Variants in CRACD observed in about 807,000 individuals in gnomAD.
The protein encoded by CRACD is capping protein-inhibiting regulator of actin dynamics.
A neutral mutation model predicts 106.8 loss-of-function variants in CRACD; 56 were observed. The ratio of observed to expected loss-of-function variants is 0.52; its 90% CI spans 0.42 to 0.66. CRACD has a LOEUF of 0.66. Among genes scored for constraint, CRACD ranks in the 30% least tolerant of loss-of-function variants. CRACD has a pLI of 0.00. For synonymous variants in CRACD, 754 were observed against 670.8 expected (o/e 1.12, Z -1.92); for missense variants, 1,730 against 1,623.2 (o/e 1.07, Z -1.13).
At chr4:56,205,495 C>G (rs554201746) in intron 2 of CRACD, among the ~76,000 whole-genome samples, 2 of 151,604 alleles carry the variant, frequency 1.3e-5, no homozygotes, top group South Asian at 4.2e-4. Context: ...CTGTTCTAAG[C>G]AATTTTACAA....
At chr4:56,182,868 T>A (rs1323818360) in intron 2 of CRACD, among the ~76,000 whole-genome samples, 1 of 65,678 alleles carries the variant, frequency 1.5e-5, no homozygotes, top group African/African-American at 6.7e-5. Flanking sequence ...AAGATATGTG[T>A]GTGTGTGTGT....
chr4:56,057,970 T>C (rs758668539), intron 1 of CRACD, among the ~76,000 whole-genome samples: 2 of 69,556 alleles, frequency 2.9e-5, no homozygotes, highest in Non-Finnish European at 5.6e-5. Context: ...AGGCGCCCGC[T>C]ACCACGCCCA....
intron 2 of CRACD, among the ~76,000 whole-genome samples, chr4:56,186,087 C>G (rs1273211078): frequency 6.6e-6 from 1 of 152,206 alleles, no homozygotes; most frequent in Non-Finnish European, 1.5e-5. Context: ...ATTCCTCTCT[C>G]CATCTGCCAG....
chr4:56,267,751 A>T (rs1560509883), intron 2 of CRACD, among the ~76,000 whole-genome samples: 1 of 152,188 alleles, frequency 6.6e-6, no homozygotes, highest in Non-Finnish European at 1.5e-5. Context: ...GCACTGTCTG[A>T]CACTTGGACT....
intron 1 of CRACD, among the ~76,000 whole-genome samples, chr4:56,152,072 C>A (rs1401210396): frequency 6.7e-6 from 1 of 148,308 alleles, no homozygotes; most frequent in Non-Finnish European, 1.5e-5. Context: ...TGCGGTGGTG[C>A]GGTCTCGGCT....
intron 2 of CRACD, among the ~76,000 whole-genome samples, chr4:56,261,180 A>G (rs1478206023): frequency 6.6e-6 from 1 of 152,184 alleles, no homozygotes; most frequent in Non-Finnish European, 1.5e-5. Context: ...CTCCCCTGCC[A>G]GTATTTTCCA....
intron 4 of CRACD, among the ~76,000 whole-genome samples, chr4:56,301,743 G>C (rs1744382032): frequency 6.6e-6 from 1 of 151,716 alleles, no homozygotes; most frequent in Non-Finnish European, 1.5e-5. Context: ...ACGGAGTACA[G>C]AAGAACTCAA....
At chr4:56,096,215 A>G (rs539542811) in intron 1 of CRACD, among the ~76,000 whole-genome samples, 3 of 152,290 alleles carry the variant, frequency 2.0e-5, no homozygotes, top group South Asian at 2.1e-4. Context: ...AAGCATCAGT[A>G]TATAGTTGAT....
At chr4:56,115,971 TC>T (rs1370031660) in intron 1 of CRACD, among the ~76,000 whole-genome samples, 5 of 152,194 alleles carry the variant, frequency 3.3e-5, no homozygotes, top group African/African-American at 9.6e-5. Flanking sequence ...ATCAAAAAGA[TC>T]AGCTCATTTG....
At chr4:56,252,067 A>AAGCAAT (rs1741086331) in intron 2 of CRACD, among the ~76,000 whole-genome samples, 1 of 152,222 alleles carries the variant, frequency 6.6e-6, no homozygotes, top group South Asian at 2.1e-4. Flanking sequence ...CTTCTTTTCT[A>AAGCAAT]TTATACTTAG....
chr4:56,178,159 C>A (rs1006985289), intron 1 of CRACD, among the ~76,000 whole-genome samples: 1 of 152,158 alleles, frequency 6.6e-6, no homozygotes, highest in Admixed American at 6.6e-5. Flanking sequence ...CAAAATGATA[C>A]AACCGCTTCT....
At chr4:56,203,451 A>G (rs997076244) in intron 2 of CRACD, among the ~76,000 whole-genome samples, 1 of 152,172 alleles carries the variant, frequency 6.6e-6, no homozygotes, top group African/African-American at 2.4e-5. Flanking sequence ...TCCTCTTTTC[A>G]TGATGGACCC....
intron 2 of CRACD, among the ~76,000 whole-genome samples, chr4:56,215,389 G>A (rs1250987511): frequency 6.6e-6 from 1 of 152,080 alleles, no homozygotes; most frequent in Non-Finnish European, 1.5e-5. Flanking sequence ...TCATTTCCTG[G>A]AGGCCACACC....
At chr4:56,265,665 A>AG (rs1741977102) in intron 2 of CRACD, among the ~76,000 whole-genome samples, 1 of 151,926 alleles carries the variant, frequency 6.6e-6, no homozygotes, top group South Asian at 2.1e-4. Context: ...CATATTAAAG[A>AG]CTCTGAAAGG....
rs576383014 is a variant in CRACD at position 56,314,351 on chromosome 4, G to T, written c.849G>T (p.Ala283=). The change falls in exon 8 of 11, where the codon GCG becomes GCT. Residue 283 remains alanine, a synonymous_variant. Transcript: ENST00000682029. The surrounding 1 kb of genome is among the most constrained non-coding windows in gnomAD (Gnocchi z 4.4). The part of the protein sequence containing the change: ...EGEGQEPPLE[A]ERAPREEQQR... ...AGGGGCAGGAGCCGCCTCTAGAGGC[G>T]GAAAGGGCGCCGCGGGAAGAGCAGC... is the stretch of plus-strand genomic sequence containing the variant. 3.9e-6 allele frequency: 6 copies of T among 1,549,554 alleles called. No homozygotes were observed. The highest frequency in any genetic ancestry group is 5.2e-6 in the Non-Finnish European group (6 of 1,146,920).
chr4:56,150,342 T>C (rs1302540072), intron 1 of CRACD, among the ~76,000 whole-genome samples: 2 of 152,212 alleles, frequency 1.3e-5, no homozygotes, highest in African/African-American at 4.8e-5. Context: ...AGCTGGTACG[T>C]AGTAAGCATC....
intron 3 of CRACD, among the ~76,000 whole-genome samples, chr4:56,294,872 C>T (rs1166267351): frequency 7.2e-6 from 1 of 138,984 alleles, no homozygotes; most frequent in East Asian, 2.0e-4. Context: ...CGAGATCATG[C>T]CACTGCACTC....
chr4:56,107,026 A>G (rs879621242), intron 1 of CRACD, among the ~76,000 whole-genome samples: 32 of 152,284 alleles, frequency 2.1e-4, no homozygotes, highest in Non-Finnish European at 4.4e-4. Context: ...GCAGGAGTGC[A>G]GTGACGTGGC....
At chr4:56,170,175 C>T (rs1479350790) in intron 1 of CRACD, 12 of 152,306 alleles carry the variant, frequency 7.9e-5, no homozygotes, top group African/African-American at 2.9e-4. Context: ...CACTTCTTGG[C>T]TTGCCACTCC....
Sources: allele counts gnomAD v4.1 joint callset (sites outside exome capture counted in the v4.1 genomes callset), GRCh38; gene constraint gnomAD v4.1.1; non-coding constraint Gnocchi (gnomAD v3.1); transcripts MANE v1.5; gene names NCBI Gene and HGNC (gene_info 2026-07-23, HGNC 2026-07-21).